Variants in CSMD2 observed in about 807,000 individuals in gnomAD.
CSMD2 encodes CUB and Sushi multiple domains 2.
CSMD2 carries 130 observed loss-of-function variants against 398.5 expected under a neutral mutation model. That is an observed-to-expected ratio of 0.33 (90% CI 0.28 to 0.38). The LOEUF is 0.38. Ranked by LOEUF, CSMD2 falls within the 10% of genes least tolerant of loss-of-function variation. The probability of loss-of-function intolerance (pLI) is 1.00; values close to 1 mark genes in which losing one functional copy is unlikely to be tolerated. For missense variants in CSMD2, 3,829 were observed against 4,764.9 expected (o/e 0.80, Z 5.78); for synonymous variants, 1,828 against 1,908.5 (o/e 0.96, Z 1.10).
At chr1:33,677,502 T>C (rs989284577) in intron 25 of CSMD2, among the ~76,000 whole-genome samples, 1 of 152,214 alleles carries the variant, frequency 6.6e-6, no homozygotes, top group Admixed American at 6.5e-5. Flanking sequence ...ACTTTTACAC[T>C]GTTGGTGGGA....
intron 6 of CSMD2, among the ~76,000 whole-genome samples, chr1:33,846,214 G>A (rs1661340365): frequency 6.6e-6 from 1 of 152,210 alleles, no homozygotes; most frequent in Admixed American, 6.5e-5. Context: ...GTGGTTCTTG[G>A]GTTGGGAAAT....
At chr1:33,913,417 G>A (rs1443109905) in intron 5 of CSMD2, among the ~76,000 whole-genome samples, 2 of 152,136 alleles carry the variant, frequency 1.3e-5, no homozygotes, top group South Asian at 2.1e-4. Context: ...GCTTCAGTGG[G>A]ACCACCAAAA....
chr1:33,980,572 G>A (rs994220025), intron 3 of CSMD2, among the ~76,000 whole-genome samples: 1 of 152,066 alleles, frequency 6.6e-6, no homozygotes, highest in Non-Finnish European at 1.5e-5. Flanking sequence ...TATTTTCTTC[G>A]CTTGTGCCTT....
At chr1:33,953,542 G>C (rs540199511) in intron 3 of CSMD2, among the ~76,000 whole-genome samples, 3 of 152,278 alleles carry the variant, frequency 2.0e-5, no homozygotes, top group East Asian at 3.9e-4. Flanking sequence ...AGTCCTTATA[G>C]AGTCTGTAGC....
chr1:33,540,420 G>T, intron 60 of CSMD2, 105 bp downstream of exon 60: 2 of 1,139,974 alleles, frequency 1.8e-6, no homozygotes, highest in African/African-American at 1.5e-5. Flanking sequence ...CCTGGTTTTG[G>T]GGAGGGGACT....
In CSMD2 at chr1:33,751,207, G is replaced by GA. The variant is rs551029604; in HGVS notation, c.1847-7602dup. Among the ~76,000 whole-genome samples, 657 of 144,086 alleles carry GA rather than the reference G, an allele frequency of 4.6e-3. 5 individuals carry two copies. The highest frequency in any genetic ancestry group is 0.013 in the African/African-American group (515 of 39,552). The allele number at this position is 144,086 out of a possible 152,430, so 94.5% of individuals were successfully genotyped here. Reference sequence around the variant, plus strand: ...TAAAACAACAGAGCTATTGAGTTGGGAAAAAAAAAAAAGATGGCATTGAAC... The same window carrying GA: ...TAAAACAACAGAGCTATTGAGTTGGGAAAAAAAAAAAAAGATGGCATTGAAC... On this transcript the variant is annotated intron_variant, in intron 13 of 70. Coordinates refer to ENST00000373381, the MANE Select transcript of CSMD2 (RefSeq NM_001281956.2).
Position 33,624,733 on chromosome 1 carries a change from G to T in CSMD2, c.5501-90C>A. 6.6e-7 allele frequency: 1 copy of T among 1,509,478 alleles called. No individual in the cohort carries two copies. The highest frequency in any genetic ancestry group is 8.9e-7 in the Non-Finnish European group (1 of 1,117,776). The allele number at this position is 1,509,478 out of a possible 1,614,324, so 93.5% of individuals were successfully genotyped here. A position where few individuals can be genotyped will look rare whatever the true frequency, so the allele number is the denominator to read the frequency against. On this transcript the variant is annotated intron_variant, in intron 34 of 70. Coordinates refer to ENST00000373381, the MANE Select transcript of CSMD2 (RefSeq NM_001281956.2). This position sits in a 1 kb window ranked among gnomAD's most constrained non-coding sequence, Gnocchi z 4.7. ...TCCTCCCTCATGGCCCCCAGCCTCT[G>T]TTTGTCCTCCTCCCCATGGGGGTGT... is the stretch of plus-strand genomic sequence containing the variant.
At chr1:34,134,424 T>C (rs1171258935) in intron 1 of CSMD2, among the ~76,000 whole-genome samples, 3 of 152,200 alleles carry the variant, frequency 2.0e-5, no homozygotes, top group Admixed American at 1.3e-4. Flanking sequence ...TACATTACCA[T>C]AGTAACATTT....
At chr1:33,972,906 C>T (rs115823288) in intron 3 of CSMD2, among the ~76,000 whole-genome samples, 2,218 of 133,450 alleles carry the variant, frequency 0.017, 31 homozygotes, top group African/African-American at 0.044. Flanking sequence ...GCACAGGACC[C>T]GAAGCAGCAG....
intron 56 of CSMD2, among the ~76,000 whole-genome samples, chr1:33,549,720 C>T (rs1657250157): frequency 6.6e-6 from 1 of 152,246 alleles, no homozygotes; most frequent in African/African-American, 2.4e-5. Flanking sequence ...GGGAAGGAGG[C>T]TGGGGCCTAC....
At chr1:34,098,459 A>G (rs1252685754) in intron 1 of CSMD2, among the ~76,000 whole-genome samples, 1 of 151,160 alleles carries the variant, frequency 6.6e-6, no homozygotes, top group Non-Finnish European at 1.5e-5. Flanking sequence ...AGAAAAAAAA[A>G]GAAAAATAGA....
intron 6 of CSMD2, among the ~76,000 whole-genome samples, chr1:33,831,882 CT>C (rs1219947623): frequency 2.6e-5 from 4 of 151,852 alleles, no homozygotes; most frequent in African/African-American, 7.3e-5. Flanking sequence ...ATAATACAGA[CT>C]TTAAACCAAT....
chr1:34,018,539 C>T (rs1470223051), intron 3 of CSMD2, among the ~76,000 whole-genome samples: 1 of 152,228 alleles, frequency 6.6e-6, no homozygotes, highest in Non-Finnish European at 1.5e-5. Flanking sequence ...GTCTTTGCCA[C>T]CACTCCAGCA....
At chr1:34,036,486 CAG>C (rs1651142589) in intron 2 of CSMD2, among the ~76,000 whole-genome samples, 1 of 152,086 alleles carries the variant, frequency 6.6e-6, no homozygotes, top group African/African-American at 2.4e-5. Context: ...AGATGGAAAA[CAG>C]ATTAGTGCTT....
chr1:33,659,314 C>T (rs1390838330), intron 26 of CSMD2, among the ~76,000 whole-genome samples: 2 of 152,128 alleles, frequency 1.3e-5, no homozygotes, highest in African/African-American at 2.4e-5. Context: ...AAGAGTTAGT[C>T]CAGAGAAAGG....
chr1:33,997,250 G>A (rs1339885215), intron 3 of CSMD2, among the ~76,000 whole-genome samples: 3 of 152,224 alleles, frequency 2.0e-5, no homozygotes, highest in Non-Finnish European at 4.4e-5. Flanking sequence ...GGGATCATGT[G>A]GCAGATTTGG....
At chr1:33,821,764 C>T (rs533523904) in intron 7 of CSMD2, among the ~76,000 whole-genome samples, 3 of 152,222 alleles carry the variant, frequency 2.0e-5, no homozygotes, top group South Asian at 2.1e-4. Flanking sequence ...ACATAAACCA[C>T]GGAAGCGGAC....
intron 3 of CSMD2, among the ~76,000 whole-genome samples, chr1:33,983,324 T>C (rs1209565536): frequency 6.6e-6 from 1 of 152,220 alleles, no homozygotes; most frequent in Non-Finnish European, 1.5e-5. Flanking sequence ...GCAGGTCTAA[T>C]CACCTGCCTC....
At chr1:33,546,729 C>CT (rs397782525) in intron 56 of CSMD2, among the ~76,000 whole-genome samples, 31,078 of 147,250 alleles carry the variant, frequency 0.21, 3,351 homozygotes, top group East Asian at 0.36. Context: ...ACCATCTGAC[C>CT]TTTTTTTTTT....
Sources: allele counts gnomAD v4.1 joint callset (sites outside exome capture counted in the v4.1 genomes callset), GRCh38; gene constraint gnomAD v4.1.1; non-coding constraint Gnocchi (gnomAD v3.1); transcripts MANE v1.5; gene names NCBI Gene and HGNC (gene_info 2026-07-23, HGNC 2026-07-21).